The following RTRAF variants were observed in gnomAD, a reference collection of about 807,000 sequenced individuals.
RTRAF encodes the protein RNA transcription, translation and transport factor, also known as tRNA-splicing ligase complex subunit RTRAF.
A neutral mutation model predicts 34.4 loss-of-function variants in RTRAF; 14 were observed. The observed-to-expected ratio is 0.41, with a 90% CI of 0.27 to 0.64. RTRAF has a LOEUF of 0.64. Ranked by LOEUF, RTRAF falls within the 30% of genes least tolerant of loss-of-function variation. The probability of loss-of-function intolerance (pLI) is 0.34; values close to 1 mark genes in which losing one functional copy is unlikely to be tolerated. For missense variants in RTRAF, 291 were observed against 288.4 expected (o/e 1.01, Z -0.06); for synonymous variants, 96 against 95.3 (o/e 1.01, Z -0.04).
chr14:52,006,633 G>A lies in RTRAF; in HGVS notation c.*2117G>A. The A allele has an allele frequency of 1.2e-6, 2 of 1,613,806 alleles. No homozygotes were observed. Among genetic ancestry groups the A allele is most frequent in the Non-Finnish European group, 1.7e-6 (2 of 1,179,738 alleles). Reference sequence around the variant, plus strand: ...AATGACACGCCGTCCAGTTCCATCAGGTAGTGTACACTCCAGTTTTTTGGT... The same window carrying A: ...AATGACACGCCGTCCAGTTCCATCAAGTAGTGTACACTCCAGTTTTTTGGT... On this transcript the variant is annotated 3_prime_UTR_variant, in exon 8 of 8. Transcript: ENST00000261700.
intron 1 of RTRAF, among the ~76,000 whole-genome samples, chr14:51,990,044 A>G (rs538582173): frequency 6.6e-6 from 1 of 152,296 alleles, no homozygotes; most frequent in East Asian, 1.9e-4. Context: ...TACCTTGAGC[A>G]CCTGCTAATT....
intron 7 of RTRAF, 54 bp from the exon 8 acceptor site, chr14:52,004,303 TAAATG>T: frequency 1.2e-6 from 2 of 1,606,944 alleles, no homozygotes; most frequent in South Asian, 2.2e-5. Flanking sequence ...TGGGAGGAAA[TAAATG>T]GCCTTAAATG....
chr14:51,998,233 C>T (rs1890550238), intron 3 of RTRAF: 2 of 274,948 alleles, frequency 7.3e-6, no homozygotes, highest in Non-Finnish European at 1.4e-5. Flanking sequence ...ATGAAATTAC[C>T]TTCAGGCTAT....
Position 52,005,511 on chromosome 14 carries a change from C to T in RTRAF, c.*995C>T, listed in dbSNP as rs1826749169. On this transcript the variant is annotated 3_prime_UTR_variant, in exon 8 of 8. Coordinates refer to ENST00000261700, the MANE Select transcript of RTRAF (RefSeq NM_016039.3). The stretch of plus-strand genomic sequence containing the variant: ...TTACTTTCTTCCTGTGAGAGAAGAG[C>T]AGGGGTGGGACAGGGTGGTGGGTGA... 3 of 1,595,922 alleles carry T rather than the reference C, an allele frequency of 1.9e-6. No individual in the cohort carries two copies. Among genetic ancestry groups the T allele is most frequent in the African/African-American group, 1.4e-5 (1 of 73,832 alleles).
chr14:52,006,725 T>C lies in RTRAF; in HGVS notation c.*2209T>C. 1 of 1,549,594 alleles carries C rather than the reference T, an allele frequency of 6.5e-7. No individual in the cohort carries two copies. Among genetic ancestry groups the C allele is most frequent in the Admixed American group, 1.7e-5 (1 of 59,062 alleles). ...TTTGCCAAAAATGATAGTGACATAG[T>C]GATAGTGACACAGTGATAGAATGGG... On this transcript the variant is annotated 3_prime_UTR_variant, in exon 8 of 8. Transcript: ENST00000261700.
In RTRAF at chr14:52,005,842, C is replaced by T. The variant is rs2140336621; in HGVS notation, c.*1326C>T. ...CCACTATGTTTATTTACTGATACAA[C>T]ACCATCCCTGGTAACAGAAAGGAAG... On this transcript the variant is annotated 3_prime_UTR_variant, in exon 8 of 8. Transcript: ENST00000261700. 1.2e-6 allele frequency: 2 copies of T among 1,606,374 alleles called. No homozygotes were observed. The highest frequency in any genetic ancestry group is 2.2e-5 in the East Asian group (1 of 44,864).
At chr14:51,993,673 A>C in intron 2 of RTRAF, 50 bp from the exon 3 acceptor site, 1 of 1,130,438 alleles carries the variant, frequency 8.8e-7, no homozygotes, top group East Asian at 2.4e-5. Context: ...TTTTTCTGTG[A>C]CTTTATGGTA....
In RTRAF at chr14:52,010,590, T is replaced by TA; in HGVS notation, c.*6075dup. On this transcript the variant is annotated 3_prime_UTR_variant, in exon 8 of 8. Coordinates refer to ENST00000261700, the MANE Select transcript of RTRAF (RefSeq NM_016039.3). Reference sequence around the variant, plus strand: ...CTGATCATTTGATTCAGAGTAGCCCTAGTTCTCACAACACTATCTGAATTT... The same window carrying TA: ...CTGATCATTTGATTCAGAGTAGCCCTAAGTTCTCACAACACTATCTGAATTT... 3.6e-6 allele frequency: 1 copy of TA among 274,984 alleles called. No individual in the cohort carries two copies. The highest frequency in any genetic ancestry group is 7.0e-5 in the East Asian group (1 of 14,386). The allele number at this position is 274,984 out of a possible 1,614,324, so 17.0% of individuals were successfully genotyped here.
intron 3 of RTRAF, among the ~76,000 whole-genome samples, chr14:51,995,020 T>G (rs2140327980): frequency 6.6e-6 from 1 of 152,116 alleles, no homozygotes; most frequent in Non-Finnish European, 1.5e-5. Context: ...CCCTCTGAAC[T>G]TCCATAGCTT....
At chr14:52,002,385 A>G (rs1333081369) in intron 6 of RTRAF, among the ~76,000 whole-genome samples, 1 of 152,166 alleles carries the variant, frequency 6.6e-6, no homozygotes, top group Non-Finnish European at 1.5e-5. Context: ...CTGACTTGAG[A>G]GCCTGTGCTC....
Position 51,989,652 on chromosome 14 carries a change from A to T in RTRAF, c.13A>T (p.Lys5Ter). 6.2e-7 allele frequency: 1 copy of T among 1,606,540 alleles called. No individual in the cohort carries two copies. The highest frequency in any genetic ancestry group is 2.3e-5 in the East Asian group (1 of 44,200). The part of the protein sequence containing the change: MFRR[K>*]LTALDYHNPA... Reference sequence around the variant, plus strand: ...AGAAGCGGGGACCATGTTCCGACGCAAGTTGACGGCTCTCGACTACCACAA... The same window carrying T: ...AGAAGCGGGGACCATGTTCCGACGCTAGTTGACGGCTCTCGACTACCACAA... Residue 5 changes from lysine to a stop codon, truncating the protein, a stop_gained, in exon 1 of 8, where the codon AAG (lysine) becomes TAG (stop). Transcript: ENST00000261700. LOFTEE classifies it high-confidence loss of function.
rs1566740490 is a variant in RTRAF at position 52,009,994 on chromosome 14, A to C, written c.*5478A>C. ...AAAGCAAGACCTTGTCTCAAAAAAA[A>C]GAAAAAAAAAAGAAAAAAGGACCTT... is the stretch of plus-strand genomic sequence containing the variant. On this transcript the variant is annotated 3_prime_UTR_variant, in exon 8 of 8. Transcript: ENST00000261700. The C allele has an allele frequency of 6.6e-6, 1 of 152,064 alleles. No homozygotes were observed. The highest frequency in any genetic ancestry group is 1.5e-5 in the Non-Finnish European group (1 of 68,070). 9.4% of individuals were successfully genotyped at this position (152,064 alleles called of 1,614,324 possible).
At position 52,007,979 on chromosome 14, in the gene RTRAF, A is replaced by G; in HGVS notation, c.*3463A>G. 6.3e-7 allele frequency: 1 copy of G among 1,591,078 alleles called. No homozygotes were observed. Among genetic ancestry groups the G allele is most frequent in the Non-Finnish European group, 8.5e-7 (1 of 1,171,060 alleles). On this transcript the variant is annotated 3_prime_UTR_variant, in exon 8 of 8. Coordinates refer to ENST00000261700, the MANE Select transcript of RTRAF (RefSeq NM_016039.3). The stretch of plus-strand genomic sequence containing the variant: ...TCCAGTACAAGTTGCTGTAAGTTAA[A>G]AATCAAGATTGTAAAAGAATAGCCA...
At chr14:52,004,284 CTGAATACT>C in intron 7 of RTRAF, 42 bp downstream of exon 7, 2 of 1,591,910 alleles carry the variant, frequency 1.3e-6, no homozygotes, top group Non-Finnish European at 1.7e-6. Context: ...TTTTTACAGA[CTGAATACT>C]TGGGAGGAAA....
intron 2 of RTRAF, among the ~76,000 whole-genome samples, chr14:51,991,910 A>G (rs1890441007): frequency 6.6e-6 from 1 of 152,162 alleles, no homozygotes; most frequent in Admixed American, 6.5e-5. Context: ...CTACAAGAAA[A>G]TAGAAAGTTA....
intron 2 of RTRAF, 77 bp downstream of exon 2, chr14:51,991,518 C>T (rs1890434223): frequency 3.1e-5 from 46 of 1,479,268 alleles, no homozygotes; most frequent in Non-Finnish European, 4.0e-5. Flanking sequence ...AAATTACTTT[C>T]TTCTTTTAAG....
chr14:52,005,974 T>G lies in RTRAF; in HGVS notation c.*1458T>G. ...GCAGCCTTCTCTGTCCCAGGGCTGG[T>G]GCTAAAGCCATACTGAAGTTTGAAG... On this transcript the variant is annotated 3_prime_UTR_variant, in exon 8 of 8. Transcript: ENST00000261700. 1 of 679,232 alleles carries G rather than the reference T, an allele frequency of 1.5e-6. No individual in the cohort carries two copies. Among genetic ancestry groups the G allele is most frequent in the Non-Finnish European group, 2.6e-6 (1 of 378,884 alleles). 42.1% of individuals were successfully genotyped at this position (679,232 alleles called of 1,614,324 possible). A position where few individuals can be genotyped will look rare whatever the true frequency, so the allele number is the denominator to read the frequency against.
rs992421072 is a variant in RTRAF at position 52,006,624 on chromosome 14, G to C, written c.*2108G>C. 5 of 1,613,726 alleles carry C rather than the reference G, an allele frequency of 3.1e-6. No individual in the cohort carries two copies. The highest frequency in any genetic ancestry group is 2.7e-5 in the African/African-American group (2 of 74,880). On this transcript the variant is annotated 3_prime_UTR_variant, in exon 8 of 8. Transcript: ENST00000261700. Reference sequence around the variant, plus strand: ...GTTGTTTTGAATGACACGCCGTCCAGTTCCATCAGGTAGTGTACACTCCAG... The same window carrying C: ...GTTGTTTTGAATGACACGCCGTCCACTTCCATCAGGTAGTGTACACTCCAG...
Position 51,998,484 on chromosome 14 carries a change from GT to G in RTRAF, c.287-5del. ...AGTTGTACAAATTATATTTTTGCCT[GT>G]TTTTATAGCTGAAAAATACAAGGAT... is the stretch of plus-strand genomic sequence containing the variant. On this transcript the variant is annotated splice_polypyrimidine_tract_variant and intron_variant, in intron 3 of 7. Transcript: ENST00000261700. The G allele has an allele frequency of 1.3e-6, 2 of 1,513,940 alleles. No homozygotes were observed. The highest frequency in any genetic ancestry group is 1.3e-5 in the South Asian group (1 of 79,554). The allele number at this position is 1,513,940 out of a possible 1,614,324, so 93.8% of individuals were successfully genotyped here. A position where few individuals can be genotyped will look rare whatever the true frequency, so the allele number is the denominator to read the frequency against.
Sources: gnomAD v4.1 joint callset for allele counts (sites outside exome capture counted in the v4.1 genomes callset) on GRCh38, gnomAD v4.1.1 for gene constraint, MANE v1.5 for transcripts, NCBI Gene and HGNC (gene_info 2026-07-23, HGNC 2026-07-21) for gene names.